Variants in PCDHGA12 observed in about 807,000 individuals in gnomAD.
PCDHGA12 encodes protocadherin gamma-A12.
A neutral mutation model predicts 61.1 loss-of-function variants in PCDHGA12; 43 were observed. The observed-to-expected ratio is 0.70, with a 90% CI of 0.55 to 0.91. PCDHGA12 has a LOEUF of 0.91. Ranked by LOEUF, PCDHGA12 falls within the 40% of genes least tolerant of loss-of-function variation. The pLI is 0.00. For synonymous variants in PCDHGA12, 520 were observed against 542.9 expected (o/e 0.96, Z 0.59); for missense variants, 1,236 against 1,227.7 (o/e 1.01, Z -0.10).
At chr5:141,505,567 T>A in intron 3 of PCDHGA12, 86 bp downstream of exon 3, 2 of 1,599,440 alleles carry the variant, frequency 1.3e-6, no homozygotes, top group Non-Finnish European at 1.7e-6. Context: ...ACGGACTGGA[T>A]GTCAAACCTG....
chr5:141,443,827 G>A (rs1425599112), intron 1 of PCDHGA12, among the ~76,000 whole-genome samples: 1 of 152,054 alleles, frequency 6.6e-6, no homozygotes, highest in African/African-American at 2.4e-5. Context: ...ACATAATTAG[G>A]TAAAATGGGT....
At chr5:141,504,502 G>A (rs2099838821) in intron 2 of PCDHGA12, among the ~76,000 whole-genome samples, 1 of 152,128 alleles carries the variant, frequency 6.6e-6, no homozygotes, top group Non-Finnish European at 1.5e-5. Context: ...CCCAGTCTGA[G>A]TGGATCTCCT....
At chr5:141,506,306 G>A (rs539365378) in intron 3 of PCDHGA12, among the ~76,000 whole-genome samples, 4 of 152,040 alleles carry the variant, frequency 2.6e-5, no homozygotes, top group Non-Finnish European at 5.9e-5. Flanking sequence ...AAAATTAGCT[G>A]GGCATGGTGG....
At position 141,486,209 on chromosome 5, in the gene PCDHGA12, A is replaced by C. The variant is rs749965379; in HGVS notation, c.2425-8598A>C. On this transcript the variant is annotated intron_variant, in intron 1 of 3. Transcript: ENST00000252085. The surrounding 1 kb of genome is among the most constrained non-coding windows in gnomAD (Gnocchi z 5.0). ...AGTGGATCTGCTGGACGTAAATGAC[A>C]ATGCCCCTTACATCACAGTGACCTC... 1 of 1,614,080 alleles carries C rather than the reference A, an allele frequency of 6.2e-7. No homozygotes were observed. Among genetic ancestry groups the C allele is most frequent in the South Asian group, 1.1e-5 (1 of 91,078 alleles).
chr5:141,471,204 C>T (rs1349368582), intron 1 of PCDHGA12: 2 of 151,866 alleles, frequency 1.3e-5, no homozygotes, highest in African/African-American at 4.8e-5. Flanking sequence ...CACCCACCCC[C>T]ATGCCTGGCA....
At chr5:141,448,850 C>A (rs1227646790) in intron 1 of PCDHGA12, among the ~76,000 whole-genome samples, 1 of 152,048 alleles carries the variant, frequency 6.6e-6, no homozygotes, top group Non-Finnish European at 1.5e-5. Context: ...GAGGCTGAGG[C>A]AGGAGAATGG....
Position 141,491,944 on chromosome 5 carries a change from C to T in PCDHGA12, c.2425-2863C>T, listed in dbSNP as rs1245968796. ...CGAGGGGAGGTGGGACCGACCCCCACCCCTACACTCAAAAAAGGCCGGGGC... is the reference window on the plus strand; with the variant it reads ...CGAGGGGAGGTGGGACCGACCCCCATCCCTACACTCAAAAAAGGCCGGGGC... On this transcript the variant is annotated intron_variant, in intron 1 of 3. Transcript: ENST00000252085. This position sits in a 1 kb window ranked among gnomAD's most constrained non-coding sequence, Gnocchi z 6.9. The T allele has an allele frequency of 1.8e-6, 2 of 1,120,156 alleles. No individual in the cohort carries two copies. Among genetic ancestry groups the T allele is most frequent in the Non-Finnish European group, 2.4e-6 (2 of 822,072 alleles). The allele number at this position is 1,120,156 out of a possible 1,614,324, so 69.4% of individuals were successfully genotyped here. A position where few individuals can be genotyped will look rare whatever the true frequency, so the allele number is the denominator to read the frequency against.
In PCDHGA12 at chr5:141,486,269, G is replaced by T; in HGVS notation, c.2425-8538G>T. 6.2e-7 allele frequency: 1 copy of T among 1,613,996 alleles called. No homozygotes were observed. The highest frequency in any genetic ancestry group is 8.5e-7 in the Non-Finnish European group (1 of 1,179,956). On this transcript the variant is annotated intron_variant, in intron 1 of 3. Transcript: ENST00000252085. The surrounding 1 kb of genome is among the most constrained non-coding windows in gnomAD (Gnocchi z 5.0). ...AACCCTCCCCGAGAGTGCAGAACCT[G>T]GCACTGTGGTGGCACTTATCAGTGT...
At chr5:141,447,797 T>C (rs536848880) in intron 1 of PCDHGA12, among the ~76,000 whole-genome samples, 16 of 152,022 alleles carry the variant, frequency 1.1e-4, no homozygotes, top group Admixed American at 7.9e-4. Context: ...TTTAAGAAAA[T>C]AAAATTGGCT....
At chr5:141,480,584 G>A (rs1421730652) in intron 1 of PCDHGA12, among the ~76,000 whole-genome samples, 1 of 134,606 alleles carries the variant, frequency 7.4e-6, no homozygotes, top group Non-Finnish European at 1.6e-5. Context: ...AATAACTGCC[G>A]CTCTTCTGGT....
chr5:141,434,044 A>T (rs2097670450), intron 1 of PCDHGA12, among the ~76,000 whole-genome samples: 2 of 152,132 alleles, frequency 1.3e-5, no homozygotes, highest in South Asian at 4.1e-4. Flanking sequence ...TTTCTATTTT[A>T]TTCAATGGCC....
intron 1 of PCDHGA12, among the ~76,000 whole-genome samples, chr5:141,473,069 A>G (rs552033483): frequency 3.9e-4 from 59 of 152,180 alleles, no homozygotes; most frequent in South Asian, 8.3e-4. Flanking sequence ...AAGTTACAGC[A>G]TCTTTGTTTA....
chr5:141,500,232 G>A (rs1024752888), intron 2 of PCDHGA12, among the ~76,000 whole-genome samples: 1 of 137,690 alleles, frequency 7.3e-6, no homozygotes, highest in South Asian at 2.3e-4. Flanking sequence ...TTATTGATAC[G>A]TAGCCTTGCT....
At position 141,431,696 on chromosome 5, in the gene PCDHGA12, G is replaced by T; in HGVS notation, c.937G>T (p.Gly313Ter). ...AGGGGAGTTGGACCACGAGGAGTCA[G>T]GATTCTACCAGATGGAAGTGCAAGC... Reference protein sequence around the residue: ...TIGELDHEESGFYQMEVQAMD... With the variant: ...TIGELDHEES The change falls in exon 1 of 4, where the codon GGA becomes TGA. Residue 313 changes from glycine to a stop codon, truncating the protein, a stop_gained. Transcript: ENST00000252085. LOFTEE classifies it high-confidence loss of function. The surrounding 1 kb of genome is among the most constrained non-coding windows in gnomAD (Gnocchi z 4.8). 6.2e-7 allele frequency: 1 copy of T among 1,614,238 alleles called. No individual in the cohort carries two copies. Among genetic ancestry groups the T allele is most frequent in the Non-Finnish European group, 8.5e-7 (1 of 1,180,038 alleles).
intron 1 of PCDHGA12, among the ~76,000 whole-genome samples, chr5:141,467,288 A>G (rs1322298174): frequency 6.6e-6 from 1 of 152,084 alleles, no homozygotes; most frequent in Non-Finnish European, 1.5e-5. Context: ...CTTGACCTCA[A>G]GTGATCCACT....
In PCDHGA12 at chr5:141,432,677, C is replaced by T. The variant is rs1241190176; in HGVS notation, c.1918C>T (p.Gln640Ter). The change falls in exon 1 of 4, where the codon CAG (glutamine) becomes TAG (stop). Residue 640 changes from glutamine to a stop codon, truncating the protein, a stop_gained. Transcript: ENST00000252085. LOFTEE classifies it high-confidence loss of function. This position sits in a 1 kb window ranked among gnomAD's most constrained non-coding sequence, Gnocchi z 6.0. Reference protein sequence around the residue: ...RALLDRDALKQSLVVAVQDHG... With the variant: ...RALLDRDALK ...CCTGCTGGACAGAGACGCGCTCAAGCAGAGCCTCGTAGTGGCCGTCCAGGA... is the reference window on the plus strand; with the variant it reads ...CCTGCTGGACAGAGACGCGCTCAAGTAGAGCCTCGTAGTGGCCGTCCAGGA... The T allele has an allele frequency of 1.2e-6, 2 of 1,613,942 alleles. No individual in the cohort carries two copies. The highest frequency in any genetic ancestry group is 1.1e-5 in the South Asian group (1 of 91,076).
rs930862898 is a variant in PCDHGA12 at position 141,480,073 on chromosome 5, C to A, written c.2425-14734C>A. ...GGAATAATAAGTGTTTTATAAGATT[C>A]ATGCATGATATAATGTATGCAAAGT... On this transcript the variant is annotated intron_variant, in intron 1 of 3. Coordinates refer to ENST00000252085, the MANE Select transcript of PCDHGA12 (RefSeq NM_003735.3). Among the ~76,000 whole-genome samples, 5 of 152,174 alleles carry A rather than the reference C, an allele frequency of 3.3e-5. No homozygotes were observed. In the South Asian group the frequency reaches 8.3e-4, roughly 25 times the overall value.
rs538734954 is a variant in PCDHGA12 at position 141,494,863 on chromosome 5, C to T, written c.2481C>T (p.Ser827=). The change falls in exon 2 of 4, where the codon AGC becomes AGT. Residue 827 remains serine, a splice_region_variant and synonymous_variant. Coordinates refer to ENST00000252085, the MANE Select transcript of PCDHGA12 (RefSeq NM_003735.3). The part of the protein sequence containing the change: ...RFSQAQRPGT[S]GSQNGDDTGT... ...CTCAGGCCCAGAGACCCGGCACCAG[C>T]GGGTAGGTGACTGATTCTCCAGCCC... 2 of 1,614,118 alleles carry T rather than the reference C, an allele frequency of 1.2e-6. No individual in the cohort carries two copies. Among genetic ancestry groups the T allele is most frequent in the East Asian group, 2.2e-5 (1 of 44,874 alleles).
intron 1 of PCDHGA12, chr5:141,478,272 A>G: frequency 6.2e-7 from 1 of 1,614,160 alleles, no homozygotes; most frequent in Non-Finnish European, 8.5e-7. Context: ...AAAGTTTACA[A>G]GTGGAAGCAG....
Sources: gnomAD v4.1 joint callset for allele counts (sites outside exome capture counted in the v4.1 genomes callset) on GRCh38, gnomAD v4.1.1 for gene constraint, Gnocchi (gnomAD v3.1) non-coding constraint, MANE v1.5 for transcripts, NCBI Gene and HGNC (gene_info 2026-07-23, HGNC 2026-07-21) for gene names.